The following ATP10B variants were observed in gnomAD, a reference collection of about 807,000 sequenced individuals.
ATP10B encodes the protein phospholipid-transporting ATPase VB.
Under a neutral mutation model 141.2 loss-of-function variants are expected in ATP10B, and 122 were observed. The observed-to-expected ratio is 0.86, with a 90% CI of 0.75 to 1.00. The LOEUF is 1.00. Among genes scored for constraint, ATP10B ranks in the 50% least tolerant of loss-of-function variants. The probability of loss-of-function intolerance (pLI) is 0.00; values close to 1 mark genes in which losing one functional copy is unlikely to be tolerated. For synonymous variants in ATP10B, 685 were observed against 692.0 expected (o/e 0.99, Z 0.16); for missense variants, 1,876 against 1,825.3 (o/e 1.03, Z -0.51).
At chr5:160,680,895 A>C (rs958035797) in intron 6 of ATP10B, among the ~76,000 whole-genome samples, 2 of 152,170 alleles carry the variant, frequency 1.3e-5, no homozygotes, top group Admixed American at 1.3e-4. Context: ...TGGCTACCAG[A>C]AGTGTCTTTC....
the ATP10B span, among the ~76,000 whole-genome samples, chr5:160,911,922 G>A: frequency 1.3e-5 from 2 of 152,140 alleles, no homozygotes; most frequent in African/African-American, 4.8e-5. Flanking sequence ...AATAGTAAGT[G>A]TGAAAATATT....
intron 24 of ATP10B, among the ~76,000 whole-genome samples, chr5:160,582,697 C>T (rs1489292996): frequency 6.6e-6 from 1 of 152,158 alleles, no homozygotes; most frequent in African/African-American, 2.4e-5. Context: ...TCCATTCTCC[C>T]CATCACTTTC....
chr5:160,766,383 CAGA>C, intron 2 of ATP10B, among the ~76,000 whole-genome samples: 1 of 130,756 alleles, frequency 7.6e-6, no homozygotes, highest in African/African-American at 2.9e-5. Context: ...CACACACACA[CAGA>C]CACTCACCAT....
chr5:160,734,443 A>G (rs1766969238), intron 2 of ATP10B, among the ~76,000 whole-genome samples: 1 of 152,160 alleles, frequency 6.6e-6, no homozygotes, highest in African/African-American at 2.4e-5. Flanking sequence ...CAATAGAACA[A>G]AGTATAGAAG....
chr5:160,719,037 C>T (rs765090905), intron 2 of ATP10B, among the ~76,000 whole-genome samples: 7 of 152,232 alleles, frequency 4.6e-5, no homozygotes, highest in Non-Finnish European at 5.9e-5. Context: ...TGGACTGGGA[C>T]GGAACAATTA....
chr5:160,758,380 A>G (rs1768786552), intron 2 of ATP10B, among the ~76,000 whole-genome samples: 1 of 152,216 alleles, frequency 6.6e-6, no homozygotes, highest in Admixed American at 6.5e-5. Context: ...CACATACTAC[A>G]TACTTGATAC....
intron 1 of ATP10B, among the ~76,000 whole-genome samples, chr5:160,831,464 T>C (rs1481092944): frequency 2.0e-5 from 3 of 152,092 alleles, no homozygotes; most frequent in African/African-American, 7.2e-5. Context: ...TAATACTTCA[T>C]TTGTGGGAAA....
At chr5:160,709,499 C>T (rs1399879784) in intron 3 of ATP10B, among the ~76,000 whole-genome samples, 1 of 152,000 alleles carries the variant, frequency 6.6e-6, no homozygotes, top group Non-Finnish European at 1.5e-5. Context: ...ATGAAATTAC[C>T]TTGTTATACC....
intron 2 of ATP10B, among the ~76,000 whole-genome samples, chr5:160,761,148 C>T (rs566124587): frequency 9.2e-5 from 14 of 152,288 alleles, no homozygotes; most frequent in African/African-American, 3.4e-4. Context: ...AAGGAAAAAA[C>T]GACAGCTAAT....
rs138055899 is a variant in ATP10B at position 160,832,995 on chromosome 5, T to C, written c.-576+18946A>G. On this transcript the variant is annotated intron_variant, in intron 1 of 25. Coordinates refer to ENST00000327245, the MANE Select transcript of ATP10B (RefSeq NM_025153.3). Reference sequence around the variant, plus strand: ...CATGGCATGTGTGCCAAGTGCGTAGTGTTAATGTGCCAAACTCTGGAGTAG... The same window carrying C: ...CATGGCATGTGTGCCAAGTGCGTAGCGTTAATGTGCCAAACTCTGGAGTAG... Among the ~76,000 whole-genome samples, 916 of 152,214 alleles carry C rather than the reference T, an allele frequency of 6.0e-3. 13 individuals are homozygous for C. The highest frequency in any genetic ancestry group is 0.021 in the African/African-American group (872 of 41,544).
intron 2 of ATP10B, among the ~76,000 whole-genome samples, chr5:160,735,612 A>AG (rs1486862102): frequency 1.3e-5 from 2 of 152,144 alleles, no homozygotes; most frequent in Non-Finnish European, 2.9e-5. Context: ...CAACAAAAAA[A>AG]ATCAGACTTA....
Position 160,687,742 on chromosome 5 carries a change from G to A in ATP10B, c.275+58C>T, listed in dbSNP as rs1032891523. The A allele has an allele frequency of 3.2e-6, 5 of 1,551,946 alleles. No individual in the cohort carries two copies. In the African/African-American group the frequency reaches 6.8e-5, roughly 21 times the overall value. On this transcript the variant is annotated intron_variant, in intron 5 of 25. Transcript: ENST00000327245. Reference sequence around the variant, plus strand: ...ATTGCACGACTATACTCCAGCCTGGGGAACAGAATGAGACTCTTTCTCTAA... The same window carrying A: ...ATTGCACGACTATACTCCAGCCTGGAGAACAGAATGAGACTCTTTCTCTAA...
intron 6 of ATP10B, among the ~76,000 whole-genome samples, chr5:160,684,085 G>A (rs1223017066): frequency 1.3e-5 from 2 of 152,142 alleles, no homozygotes; most frequent in African/African-American, 4.8e-5. Flanking sequence ...AATAATATGA[G>A]CACTTACACA....
intron 22 of ATP10B, among the ~76,000 whole-genome samples, chr5:160,597,464 C>T (rs1404684290): frequency 6.6e-6 from 1 of 152,176 alleles, no homozygotes; most frequent in East Asian, 1.9e-4. Context: ...CTAGGCATTA[C>T]CATTCAGGAC....
chr5:160,573,597 C>T (rs1165559658), intron 24 of ATP10B, among the ~76,000 whole-genome samples: 1 of 152,138 alleles, frequency 6.6e-6, no homozygotes, highest in African/African-American at 2.4e-5. Flanking sequence ...ATTAGATTCT[C>T]ATAGGAGCAC....
chr5:160,694,515 G>A (rs1764254649), intron 3 of ATP10B, among the ~76,000 whole-genome samples: 2 of 152,234 alleles, frequency 1.3e-5, no homozygotes, highest in African/African-American at 2.4e-5. Context: ...TCCTATATGG[G>A]GGACCTTTAG....
chr5:160,565,949 A>G, intron 25 of ATP10B, 49 bp from the exon 26 acceptor site: 1 of 1,510,854 alleles, frequency 6.6e-7, no homozygotes, highest in Non-Finnish European at 8.9e-7. Flanking sequence ...CACTGACTTC[A>G]TAAACTTCAG....
chr5:160,666,963 A>C (rs1179216857), intron 7 of ATP10B, among the ~76,000 whole-genome samples: 2 of 152,228 alleles, frequency 1.3e-5, no homozygotes, highest in Non-Finnish European at 2.9e-5. Context: ...TCACGCCTGT[A>C]ATTCCAGCAT....
chr5:160,704,065 CT>C (rs1247593951), intron 3 of ATP10B, among the ~76,000 whole-genome samples: 1 of 152,116 alleles, frequency 6.6e-6, no homozygotes, highest in African/African-American at 2.4e-5. Context: ...TCACTGCAGT[CT>C]TAAACTCCTG....
Sources: gnomAD v4.1 joint callset for allele counts (sites outside exome capture counted in the v4.1 genomes callset) on GRCh38, gnomAD v4.1.1 for gene constraint, MANE v1.5 for transcripts, NCBI Gene and HGNC (gene_info 2026-07-23, HGNC 2026-07-21) for gene names.